Variants in LAMA2 observed in about 807,000 individuals in gnomAD.
LAMA2 encodes laminin subunit alpha 2, also known as laminin subunit alpha-2.
In LAMA2, 269 loss-of-function variants were observed where a neutral mutation model predicts 364.8. The ratio of observed to expected loss-of-function variants is 0.74; its 90% CI spans 0.67 to 0.82. The LOEUF is 0.82. LAMA2 is among the 40% of genes least tolerant of loss of function. The probability of loss-of-function intolerance (pLI) is 0.00; values close to 1 mark genes in which losing one functional copy is unlikely to be tolerated. For missense variants in LAMA2, 3,807 were observed against 3,873.2 expected (o/e 0.98, Z 0.45); for synonymous variants, 1,379 against 1,370.6 (o/e 1.01, Z -0.14).
At chr6:129,048,269 A>G (rs1787679427) in intron 1 of LAMA2, among the ~76,000 whole-genome samples, 1 of 152,154 alleles carries the variant, frequency 6.6e-6, no homozygotes, top group African/African-American at 2.4e-5. Context: ...TTACAAATAC[A>G]TTGAGTGCCT....
intron 1 of LAMA2, among the ~76,000 whole-genome samples, chr6:128,922,423 C>T (rs1246534199): frequency 3.3e-5 from 5 of 151,548 alleles, no homozygotes; most frequent in Non-Finnish European, 5.9e-5. Flanking sequence ...GATGGTATCT[C>T]ATTGTGGTTT....
chr6:129,515,570 C>CTT (rs1161320182), intron 64 of LAMA2, among the ~76,000 whole-genome samples: 1 of 152,158 alleles, frequency 6.6e-6, no homozygotes, highest in East Asian at 1.9e-4. Context: ...CCTACTTAAC[C>CTT]TTTAGGGATT....
At chr6:128,963,758 A>G (rs7770018) in intron 1 of LAMA2, among the ~76,000 whole-genome samples, 31,995 of 151,980 alleles carry the variant, frequency 0.21, 4,900 homozygotes, top group African/African-American at 0.43. Context: ...ATAAATGCTG[A>G]CAAGGAGAGA....
intron 4 of LAMA2, 64 bp from the exon 5 acceptor site, chr6:129,143,837 G>T (rs965858712): frequency 8.1e-7 from 1 of 1,230,980 alleles, no homozygotes; most frequent in East Asian, 2.5e-5. Context: ...CCAAGAAAAA[G>T]AAACAAAATC....
intron 4 of LAMA2, among the ~76,000 whole-genome samples, chr6:129,130,792 C>G (rs993892004): frequency 6.6e-6 from 1 of 152,002 alleles, no homozygotes. Context: ...TTAATTTTTA[C>G]AGGTGCCATT....
chr6:129,193,583 AT>A, intron 12 of LAMA2, among the ~76,000 whole-genome samples: 1 of 152,324 alleles, frequency 6.6e-6, no homozygotes, highest in East Asian at 1.9e-4. Flanking sequence ...TGGAAACAAA[AT>A]TTGGTGACTT....
chr6:129,460,517 C>T lies in LAMA2; in HGVS notation c.6992+193C>T, dbSNP rs1368606273. 3.9e-5 allele frequency among the ~76,000 whole-genome samples: 6 copies of T among 151,962 alleles called. No individual in the cohort carries two copies. The East Asian group carries it at 1.2e-3, about 29-fold the overall frequency. On this transcript the variant is annotated intron_variant, in intron 49 of 64. Transcript: ENST00000421865. ...CATTTGCACAGGCATTTTTCAAGGCCCTGGGAGGTATACTAGCAGTACATT... is the reference window on the plus strand; with the variant it reads ...CATTTGCACAGGCATTTTTCAAGGCTCTGGGAGGTATACTAGCAGTACATT...
intron 31 of LAMA2, among the ~76,000 whole-genome samples, chr6:129,351,377 A>G (rs1237359141): frequency 2.0e-5 from 3 of 152,192 alleles, no homozygotes; most frequent in East Asian, 3.9e-4. Flanking sequence ...TTTGTGTAGC[A>G]TAGAGATGAG....
chr6:129,298,619 T>C (rs994212631), intron 21 of LAMA2, among the ~76,000 whole-genome samples: 8 of 152,214 alleles, frequency 5.3e-5, no homozygotes, highest in Non-Finnish European at 1.2e-4. Context: ...ACTAATGTCA[T>C]GGATTCAACC....
chr6:129,241,461 A>G (rs772630070), intron 12 of LAMA2, among the ~76,000 whole-genome samples: 66 of 152,238 alleles, frequency 4.3e-4, no homozygotes, highest in Non-Finnish European at 7.8e-4. Flanking sequence ...AATACATGTT[A>G]TGTGCTAGGT....
At chr6:129,476,844 G>GA (rs931377006) in intron 53 of LAMA2, among the ~76,000 whole-genome samples, 4 of 152,114 alleles carry the variant, frequency 2.6e-5, no homozygotes, top group African/African-American at 9.7e-5. Context: ...TGGGAACAAG[G>GA]AAAAATTATC....
At chr6:128,969,753 C>T (rs757337250) in intron 1 of LAMA2, among the ~76,000 whole-genome samples, 1 of 151,956 alleles carries the variant, frequency 6.6e-6, no homozygotes, top group Non-Finnish European at 1.5e-5. Context: ...ATTATGTACA[C>T]AGAAGTTACA....
chr6:129,172,449 G>C (rs545437348), intron 9 of LAMA2, among the ~76,000 whole-genome samples: 3 of 152,318 alleles, frequency 2.0e-5, no homozygotes, highest in Non-Finnish European at 2.9e-5. Flanking sequence ...AGGTGTCAGT[G>C]TGCCCCTGCT....
At chr6:129,252,407 G>C in intron 14 of LAMA2, 112 bp downstream of exon 14, 3 of 761,666 alleles carry the variant, frequency 3.9e-6, no homozygotes, top group Non-Finnish European at 6.9e-6. Context: ...TGTCTTCAAA[G>C]AGCAGATAAG....
chr6:129,094,335 G>A (rs193271412), intron 3 of LAMA2, among the ~76,000 whole-genome samples: 2 of 152,172 alleles, frequency 1.3e-5, no homozygotes, highest in Non-Finnish European at 1.5e-5. Flanking sequence ...GAAAATAAAT[G>A]AAAGAGGGAT....
chr6:129,447,539 G>C (rs1173976153), intron 45 of LAMA2, among the ~76,000 whole-genome samples: 1 of 152,206 alleles, frequency 6.6e-6, no homozygotes, highest in Non-Finnish European at 1.5e-5. Context: ...CAGAGGCCAG[G>C]TCTCGTCAGG....
chr6:128,970,635 A>G (rs940190002), intron 1 of LAMA2, among the ~76,000 whole-genome samples: 2 of 152,238 alleles, frequency 1.3e-5, no homozygotes, highest in Non-Finnish European at 2.9e-5. Context: ...ATAAATTTGC[A>G]TTACAAAATA....
intron 12 of LAMA2, among the ~76,000 whole-genome samples, chr6:129,202,200 A>AAAAAAAAAAG (rs1782342127): frequency 2.0e-5 from 3 of 150,410 alleles, no homozygotes; most frequent in African/African-American, 4.9e-5. Flanking sequence ...AAAAAAAAAA[A>AAAAAAAAAAG]AAAAAAAAAG....
At chr6:129,092,475 A>G (rs1046592253) in intron 3 of LAMA2, among the ~76,000 whole-genome samples, 2 of 152,188 alleles carry the variant, frequency 1.3e-5, no homozygotes, top group Non-Finnish European at 2.9e-5. Context: ...GAATTGAAAA[A>G]CGCACTATTA....
Sources: allele counts gnomAD v4.1 joint callset (sites outside exome capture counted in the v4.1 genomes callset), GRCh38; gene constraint gnomAD v4.1.1; transcripts MANE v1.5; gene names NCBI Gene and HGNC (gene_info 2026-07-23, HGNC 2026-07-21).